STK32B: variants seen among roughly 807,000 people sequenced by gnomAD.
STK32B encodes the protein serine/threonine kinase 32B, also known as serine/threonine-protein kinase 32B.
In STK32B, 43 loss-of-function variants were observed where a neutral mutation model predicts 52.6. The observed-to-expected ratio is 0.82, with a 90% CI of 0.64 to 1.05. The LOEUF (loss-of-function observed/expected upper bound fraction) is 1.05, where lower values mean the gene tolerates loss of function less well. Among genes scored for constraint, STK32B ranks in the 50% least tolerant of loss-of-function variants. The pLI, the probability that STK32B is intolerant of heterozygous loss-of-function variation, is 0.00. For missense variants in STK32B, 621 were observed against 534.6 expected, an observed-to-expected ratio of 1.16 and a Z score of -1.59; for synonymous variants, 238 against 204.3, an observed-to-expected ratio of 1.17 and a Z score of -1.41.
intron 11 of STK32B, among the ~76,000 whole-genome samples, chr4:5,472,335 C>T (rs1027619212): frequency 1.8e-4 from 28 of 152,328 alleles, no homozygotes; most frequent in Middle Eastern, 6.8e-3. Context: ...GCTAACCTCT[C>T]TGGACCTTTG....
chr4:5,436,534 A>C (rs1193182606), intron 6 of STK32B: 1 of 949,606 alleles, frequency 1.1e-6, no homozygotes. Context: ...AGCAGTGAGA[A>C]GGACAGATTG....
At chr4:5,117,656 C>G (rs933745460) in intron 1 of STK32B, among the ~76,000 whole-genome samples, 1 of 152,018 alleles carries the variant, frequency 6.6e-6, no homozygotes, top group African/African-American at 2.4e-5. Flanking sequence ...ATATTTACCT[C>G]TTGTCATGTT....
chr4:5,209,784 C>T (rs140746075), intron 3 of STK32B, among the ~76,000 whole-genome samples: 1 of 152,246 alleles, frequency 6.6e-6, no homozygotes, highest in African/African-American at 2.4e-5. Flanking sequence ...GTTTATAATA[C>T]CACCATTGAC....
At chr4:5,379,754 G>T (rs1024864287) in intron 4 of STK32B, among the ~76,000 whole-genome samples, 3 of 152,294 alleles carry the variant, frequency 2.0e-5, no homozygotes, top group Middle Eastern at 3.4e-3. Flanking sequence ...AAGGAAAAGG[G>T]CCTCAGAAGG....
intron 1 of STK32B, among the ~76,000 whole-genome samples, chr4:5,095,233 A>G (rs1713318516): frequency 1.3e-5 from 2 of 152,186 alleles, no homozygotes; most frequent in African/African-American, 2.4e-5. Flanking sequence ...CAGACTCCAC[A>G]TGTCAGGCTG....
intron 6 of STK32B, among the ~76,000 whole-genome samples, chr4:5,444,159 C>G (rs1715110437): frequency 6.6e-6 from 1 of 151,952 alleles, no homozygotes; most frequent in Non-Finnish European, 1.5e-5. Context: ...GCTTTGTTTA[C>G]CTAATCAAGC....
chr4:5,054,319 A>G (rs1381358765), intron 1 of STK32B, among the ~76,000 whole-genome samples: 1 of 152,090 alleles, frequency 6.6e-6, no homozygotes, highest in Admixed American at 6.6e-5. Flanking sequence ...CAGGCGACTG[A>G]TATCCTGGAG....
In STK32B at chr4:5,399,177, G is replaced by A. The variant is rs1472482366; in HGVS notation, c.472+933G>A. On this transcript the variant is annotated intron_variant, in intron 5 of 11. Transcript: ENST00000282908. The surrounding 1 kb of genome is among the most constrained non-coding windows in gnomAD (Gnocchi z 5.4). ...TTCACTGGCATTGCTTCAGGGGCCCGTCTCTCAGGGCCTAACATGGGGTTG... is the reference window on the plus strand; with the variant it reads ...TTCACTGGCATTGCTTCAGGGGCCCATCTCTCAGGGCCTAACATGGGGTTG... 4.6e-5 allele frequency among the ~76,000 whole-genome samples: 7 copies of A among 150,568 alleles called. No homozygotes were observed. The highest frequency in any genetic ancestry group is 1.5e-4 in the African/African-American group (6 of 41,352).
intron 9 of STK32B, among the ~76,000 whole-genome samples, chr4:5,461,522 C>T (rs1231728463): frequency 7.2e-5 from 11 of 152,196 alleles, no homozygotes; most frequent in Non-Finnish European, 2.9e-5. Context: ...TTTCTGAACA[C>T]AGACCCTCCC....
chr4:5,170,466 C>T (rs972432725), intron 3 of STK32B, among the ~76,000 whole-genome samples: 1 of 152,040 alleles, frequency 6.6e-6, no homozygotes, highest in Non-Finnish European at 1.5e-5. Flanking sequence ...CCCGTCCCCC[C>T]ACCCCACAAC....
At chr4:5,193,703 T>C (rs557284621) in intron 3 of STK32B, among the ~76,000 whole-genome samples, 6 of 152,238 alleles carry the variant, frequency 3.9e-5, no homozygotes, top group Admixed American at 2.0e-4. Context: ...TCCAGCCACA[T>C]ATGTGAAACT....
At chr4:5,190,547 C>T (rs146253103) in intron 3 of STK32B, among the ~76,000 whole-genome samples, 2 of 152,302 alleles carry the variant, frequency 1.3e-5, no homozygotes, top group Non-Finnish European at 2.9e-5. Context: ...ATGTACTGGG[C>T]ACTGTCCTAA....
At position 5,485,053 on chromosome 4, in the gene STK32B, G is replaced by A. The variant is rs189984935; in HGVS notation, c.1107-13892G>A. On this transcript the variant is annotated intron_variant, in intron 11 of 11. Coordinates refer to ENST00000282908, the MANE Select transcript of STK32B (RefSeq NM_018401.3). ...CCTTCATTTCAACTTTGATGAATCT[G>A]ACAGTTATGTGTCTTGGAGTTGCTC... Among the ~76,000 whole-genome samples, 119 of 151,802 alleles carry A rather than the reference G, an allele frequency of 7.8e-4. 1 individual carries two copies. The highest frequency in any genetic ancestry group is 1.5e-3 in the Non-Finnish European group (104 of 67,964).
chr4:5,472,022 G>A (rs568974471), intron 11 of STK32B, among the ~76,000 whole-genome samples: 1 of 152,318 alleles, frequency 6.6e-6, no homozygotes, highest in Non-Finnish European at 1.5e-5. Flanking sequence ...AGCTCTTGGG[G>A]AGAGAGACGG....
At chr4:5,340,821 T>C (rs1167309368) in intron 4 of STK32B, among the ~76,000 whole-genome samples, 1 of 152,198 alleles carries the variant, frequency 6.6e-6, no homozygotes, top group African/African-American at 2.4e-5. Flanking sequence ...TATGTACACA[T>C]ATATATAAAT....
rs140675754 is a variant in STK32B, at chr4:5,414,913, C to A, written c.473-1932C>A. On this transcript the variant is annotated intron_variant, in intron 5 of 11. Transcript: ENST00000282908. ...CCAAACTTTTGAAAGAGGGAGAAGGCGCAAGAAAACCAAACAAAAACCATA... is the reference window on the plus strand; with the variant it reads ...CCAAACTTTTGAAAGAGGGAGAAGGAGCAAGAAAACCAAACAAAAACCATA... Among the ~76,000 whole-genome samples the A allele has an allele frequency of 3.1e-4, 47 of 152,250 alleles. No homozygotes were observed. The East Asian group carries it at 3.5e-3, about 11-fold the overall frequency.
At chr4:5,370,889 C>CT (rs1735180759) in intron 4 of STK32B, among the ~76,000 whole-genome samples, 1 of 151,922 alleles carries the variant, frequency 6.6e-6, no homozygotes, top group South Asian at 2.1e-4. Flanking sequence ...GGATGGATCA[C>CT]TTGAGCCTAG....
intron 3 of STK32B, among the ~76,000 whole-genome samples, chr4:5,183,430 T>C (rs1349891265): frequency 1.3e-5 from 2 of 151,344 alleles, no homozygotes; most frequent in Non-Finnish European, 2.9e-5. Context: ...TGAGCTGAGA[T>C]TGCACCACTG....
chr4:5,317,544 T>G (rs1418597305), intron 3 of STK32B, among the ~76,000 whole-genome samples: 2 of 121,268 alleles, frequency 1.6e-5, no homozygotes, highest in East Asian at 2.2e-4. Flanking sequence ...TACATGTATA[T>G]ATATATATAT....
Sources: gnomAD v4.1 joint callset for allele counts (sites outside exome capture counted in the v4.1 genomes callset) on GRCh38, gnomAD v4.1.1 for gene constraint, Gnocchi (gnomAD v3.1) non-coding constraint, MANE v1.5 for transcripts, NCBI Gene and HGNC (gene_info 2026-07-23, HGNC 2026-07-21) for gene names.